BBX: variants seen among roughly 807,000 people sequenced by gnomAD.
BBX encodes BBX high mobility group box domain containing.
In BBX, 30 loss-of-function variants were observed where a neutral mutation model predicts 100.2. The observed-to-expected ratio is 0.30, with a 90% CI of 0.22 to 0.41. The LOEUF is 0.41. Ranked by LOEUF, BBX falls within the 10% of genes least tolerant of loss-of-function variation. The pLI, the probability that BBX is intolerant of heterozygous loss-of-function variation, is 1.00. For synonymous variants in BBX, 376 were observed against 388.1 expected (o/e 0.97, Z 0.37); for missense variants, 1,023 against 1,129.8 (o/e 0.91, Z 1.35).
At position 107,682,684 on chromosome 3, in the gene BBX, A is replaced by G. The variant is rs566254082; in HGVS notation, c.-9-27768A>G. Among the ~76,000 whole-genome samples the G allele has an allele frequency of 2.0e-5, 3 of 152,282 alleles. No individual in the cohort carries two copies. The South Asian group carries it at 6.2e-4, about 32-fold the overall frequency. ...TATGTTGAGAGTCTATTTTATTCCCATGTATGTAGTCAAGTAAATGCTTCA... is the reference window on the plus strand; with the variant it reads ...TATGTTGAGAGTCTATTTTATTCCCGTGTATGTAGTCAAGTAAATGCTTCA... On this transcript the variant is annotated intron_variant, in intron 3 of 17. Coordinates refer to ENST00000325805, the MANE Select transcript of BBX (RefSeq NM_001142568.3).
At position 107,750,388 on chromosome 3, in the gene BBX, A is replaced by G. The variant is rs567309234; in HGVS notation, c.825+2349A>G. Among the ~76,000 whole-genome samples, 83 of 152,340 alleles carry G rather than the reference A, an allele frequency of 5.4e-4. 1 individual carries two copies. In the South Asian group the frequency reaches 7.3e-3, roughly 13 times the overall value. On this transcript the variant is annotated intron_variant, in intron 9 of 17. Coordinates refer to ENST00000325805, the MANE Select transcript of BBX (RefSeq NM_001142568.3). ...ACAGAAAGACCAAAATAAAATGGATAGTGTAAAAATATATTATTTTCTGTT... is the reference window on the plus strand; with the variant it reads ...ACAGAAAGACCAAAATAAAATGGATGGTGTAAAAATATATTATTTTCTGTT...
intron 3 of BBX, among the ~76,000 whole-genome samples, chr3:107,700,270 A>C (rs1020008556): frequency 3.3e-5 from 5 of 151,694 alleles, no homozygotes; most frequent in Non-Finnish European, 7.4e-5. Context: ...GAAGGAGTTG[A>C]CCTTGAATCT....
At chr3:107,665,673 A>G (rs1002139944) in intron 3 of BBX, among the ~76,000 whole-genome samples, 2 of 152,284 alleles carry the variant, frequency 1.3e-5, no homozygotes, top group South Asian at 4.1e-4. Context: ...CAACCCAGGC[A>G]TTGTTCTATG....
intron 10 of BBX, among the ~76,000 whole-genome samples, chr3:107,763,951 C>G (rs2066140051): frequency 1.3e-5 from 2 of 152,080 alleles, no homozygotes; most frequent in South Asian, 4.1e-4. Flanking sequence ...TGGGCCGGAC[C>G]AAGCAGTAGC....
intron 2 of BBX, among the ~76,000 whole-genome samples, chr3:107,572,391 A>G (rs775607976): frequency 2.0e-5 from 3 of 152,060 alleles, no homozygotes; most frequent in East Asian, 1.9e-4. Context: ...TTAAATGGCT[A>G]TTTTACTGGG....
intron 3 of BBX, among the ~76,000 whole-genome samples, chr3:107,697,484 G>T (rs1295140681): frequency 6.6e-6 from 1 of 151,536 alleles, no homozygotes; most frequent in Non-Finnish European, 1.5e-5. Context: ...GCCCCTGCTG[G>T]GGGTGCCTCC....
chr3:107,676,173 G>C (rs945067752), intron 3 of BBX, among the ~76,000 whole-genome samples: 5 of 152,042 alleles, frequency 3.3e-5, no homozygotes, highest in African/African-American at 1.2e-4. Context: ...ACAAAACAAT[G>C]AGTCTATAAC....
At chr3:107,580,820 G>A (rs1247207704) in intron 2 of BBX, among the ~76,000 whole-genome samples, 16 of 152,296 alleles carry the variant, frequency 1.1e-4, no homozygotes, top group African/African-American at 3.1e-4. Context: ...TAGTAGAGAT[G>A]AGGTTTCACC....
chr3:107,560,094 G>T (rs189049657), intron 2 of BBX, among the ~76,000 whole-genome samples: 1 of 151,678 alleles, frequency 6.6e-6, no homozygotes, highest in Non-Finnish European at 1.5e-5. Context: ...TTTCCTCGTC[G>T]ACTCACATGC....
chr3:107,579,324 G>A (rs1228671695), intron 2 of BBX, among the ~76,000 whole-genome samples: 2 of 152,066 alleles, frequency 1.3e-5, no homozygotes, highest in African/African-American at 2.4e-5. Context: ...GGAACAGTTG[G>A]GTCTTTCATC....
In BBX at chr3:107,687,853, G is replaced by A. The variant is rs371796250; in HGVS notation, c.-9-22599G>A. Reference sequence around the variant, plus strand: ...GAGGATCACCTGAGGTCAGGAGTTCGAGACCAGCTTGGCCAACATGGCGAA... The same window carrying A: ...GAGGATCACCTGAGGTCAGGAGTTCAAGACCAGCTTGGCCAACATGGCGAA... On this transcript the variant is annotated intron_variant, in intron 3 of 17. Coordinates refer to ENST00000325805, the MANE Select transcript of BBX (RefSeq NM_001142568.3). 7.9e-5 allele frequency among the ~76,000 whole-genome samples: 12 copies of A among 152,170 alleles called. No individual in the cohort carries two copies. The East Asian group carries it at 2.1e-3, about 27-fold the overall frequency.
chr3:107,809,232 CA>C lies in BBX; in HGVS notation c.*3781del, dbSNP rs1420479751. On this transcript the variant is annotated 3_prime_UTR_variant, in exon 18 of 18. Transcript: ENST00000325805. Reference sequence around the variant, plus strand: ...AAGGTGGGGAGGGGAGGGAAAATACCAAAAAACTCTGTTCCAAGTTTGGCAT... The same window carrying C: ...AAGGTGGGGAGGGGAGGGAAAATACCAAAAACTCTGTTCCAAGTTTGGCAT... The C allele has an allele frequency of 2.6e-5, 4 of 152,090 alleles. No individual in the cohort carries two copies. Among genetic ancestry groups the C allele is most frequent in the Non-Finnish European group, 4.4e-5 (3 of 68,014 alleles). The allele number at this position is 152,090 out of a possible 1,614,324, so 9.4% of individuals were successfully genotyped here. A position where few individuals can be genotyped will look rare whatever the true frequency, so the allele number is the denominator to read the frequency against.
intron 12 of BBX, among the ~76,000 whole-genome samples, chr3:107,778,022 T>C (rs984450209): frequency 6.6e-6 from 1 of 152,126 alleles, no homozygotes; most frequent in African/African-American, 2.4e-5. Flanking sequence ...TATGAGTCTG[T>C]AAAATGAGAA....
chr3:107,553,448 C>T (rs535287019), intron 2 of BBX, among the ~76,000 whole-genome samples: 92 of 152,266 alleles, frequency 6.0e-4, no homozygotes, highest in African/African-American at 2.0e-3. Flanking sequence ...TACTTTCTCC[C>T]GTGCTCCCAA....
intron 2 of BBX, among the ~76,000 whole-genome samples, chr3:107,550,491 G>A (rs757802513): frequency 1.3e-5 from 2 of 152,120 alleles, no homozygotes; most frequent in Non-Finnish European, 2.9e-5. Flanking sequence ...GCATAGGTTG[G>A]AAATAATTTT....
At chr3:107,663,739 T>A (rs899393804) in intron 3 of BBX, among the ~76,000 whole-genome samples, 4 of 152,176 alleles carry the variant, frequency 2.6e-5, no homozygotes, top group Admixed American at 1.3e-4. Flanking sequence ...TTTTATTGTA[T>A]GAAAATACCA....
chr3:107,764,047 C>T (rs1043085796), intron 10 of BBX, among the ~76,000 whole-genome samples: 7 of 152,128 alleles, frequency 4.6e-5, no homozygotes, highest in African/African-American at 1.7e-4. Flanking sequence ...GGCTGGAGTG[C>T]AGTGGCACGA....
chr3:107,751,117 T>TTAAC (rs1415202771), intron 9 of BBX, among the ~76,000 whole-genome samples: 1 of 152,344 alleles, frequency 6.6e-6, no homozygotes, highest in East Asian at 1.9e-4. Context: ...AAATCATTAT[T>TTAAC]GTTAAGGCAT....
chr3:107,650,021 A>G (rs948317985), intron 3 of BBX, among the ~76,000 whole-genome samples: 23 of 152,194 alleles, frequency 1.5e-4, no homozygotes, highest in Non-Finnish European at 4.4e-5. Flanking sequence ...GTGCTACTGA[A>G]ATTTTTTTCC....
Sources: allele counts gnomAD v4.1 joint callset (sites outside exome capture counted in the v4.1 genomes callset), GRCh38; gene constraint gnomAD v4.1.1; transcripts MANE v1.5; gene names NCBI Gene and HGNC (gene_info 2026-07-23, HGNC 2026-07-21).